NAA50: variants seen among roughly 807,000 people sequenced by gnomAD.
The protein encoded by NAA50 is N-alpha-acetyltransferase 50, NatE catalytic subunit.
A neutral mutation model predicts 20.7 loss-of-function variants in NAA50; 7 were observed. The ratio of observed to expected loss-of-function variants is 0.34; its 90% CI spans 0.19 to 0.63. The LOEUF (loss-of-function observed/expected upper bound fraction) is 0.63. NAA50 is among the 30% of genes least tolerant of loss of function. The pLI, the probability that NAA50 is intolerant of heterozygous loss-of-function variation, is 0.75. For synonymous variants in NAA50, 54 were observed against 70.6 expected, an observed-to-expected ratio of 0.77 and a Z score of 1.18; for missense variants, 111 against 199.1, an observed-to-expected ratio of 0.56 and a Z score of 2.66.
rs1559736356 is a variant in NAA50 at position 113,720,845 on chromosome 3, T to G, written c.*915A>C. The G allele has an allele frequency of 6.6e-6, 1 of 152,626 alleles. No individual in the cohort carries two copies. Among genetic ancestry groups the G allele is most frequent in the East Asian group, 1.9e-4 (1 of 5,186 alleles). The allele number at this position is 152,626 out of a possible 1,614,324, so 9.5% of individuals were successfully genotyped here. ...AGTATGTCCAAGAGAAAACACCTGC[T>G]TCAGGTTTATTTAGGGGTAGTGACC... On this transcript the variant is annotated 3_prime_UTR_variant, in exon 5 of 5. Transcript: ENST00000240922.
At chr3:113,725,941 A>G (rs1708193342) in intron 1 of NAA50, among the ~76,000 whole-genome samples, 1 of 152,236 alleles carries the variant, frequency 6.6e-6, no homozygotes, top group Admixed American at 6.5e-5. Flanking sequence ...GGCAAAAACA[A>G]GAGACTTTTA....
rs144549936 is a variant in NAA50, at chr3:113,733,672, C to T, written c.9-9577G>A. Among the ~76,000 whole-genome samples, 1,427 of 151,456 alleles carry T rather than the reference C, an allele frequency of 9.4e-3. 17 individuals carry two copies. The highest frequency in any genetic ancestry group is 0.033 in the African/African-American group (1,363 of 41,286). Reference sequence around the variant, plus strand: ...TTTAAGACCAGCCTGGCCAACATGGCGAAACCCCATCTCTACTAAAAGTAC... The same window carrying T: ...TTTAAGACCAGCCTGGCCAACATGGTGAAACCCCATCTCTACTAAAAGTAC... On this transcript the variant is annotated intron_variant, in intron 1 of 4. Coordinates refer to ENST00000240922, the MANE Select transcript of NAA50 (RefSeq NM_025146.4).
At chr3:113,723,003 C>T in intron 3 of NAA50, 31 bp from the exon 4 acceptor site, 1 of 1,493,304 alleles carries the variant, frequency 6.7e-7, no homozygotes, top group South Asian at 1.3e-5. Context: ...AAACACGTGA[C>T]TTCATAAATC....
At chr3:113,742,349 ACTC>A (rs1422007384) in intron 1 of NAA50, among the ~76,000 whole-genome samples, 4 of 151,370 alleles carry the variant, frequency 2.6e-5, no homozygotes. Context: ...GCAGCCTTGA[ACTC>A]CTGGGCTCAA....
intron 4 of NAA50, among the ~76,000 whole-genome samples, 173 bp downstream of exon 4, chr3:113,722,730 CTAT>C (rs1708150348): frequency 6.6e-6 from 1 of 152,108 alleles, no homozygotes; most frequent in East Asian, 1.9e-4. Context: ...TCCTAATCTA[CTAT>C]TATTAATAAA....
At chr3:113,721,975 T>C in intron 4 of NAA50, 38 bp from the exon 5 acceptor site, 1 of 1,580,566 alleles carries the variant, frequency 6.3e-7, no homozygotes, top group Non-Finnish European at 8.6e-7. Flanking sequence ...AAATTAAAAT[T>C]AAGGTTTCAT....
In NAA50 at chr3:113,724,031, C is replaced by A; in HGVS notation, c.73G>T (p.Val25Phe). 1 of 1,611,404 alleles carries A rather than the reference C, an allele frequency of 6.2e-7. No homozygotes were observed. Among genetic ancestry groups the A allele is most frequent in the East Asian group, 2.2e-5 (1 of 44,828 alleles). Reference protein sequence around the residue: ...NIKQLKRLNQVIFPVSYNDKF... With the variant: ...NIKQLKRLNQFIFPVSYNDKF... ...TCATTGTAGCTGACTGGAAAGATGA[C>A]CTGATTCAATCTTTTCAACTGTTTA... The change falls in exon 2 of 5, where the codon GTC becomes TTC. Residue 25 changes from valine (V) to phenylalanine (F), a missense_variant. Transcript: ENST00000240922.
intron 1 of NAA50, among the ~76,000 whole-genome samples, chr3:113,744,442 C>G (rs192653060): frequency 1.3e-5 from 2 of 150,034 alleles, no homozygotes; most frequent in Admixed American, 1.3e-4. Flanking sequence ...CCAGCCTGGG[C>G]AACAGAGCCA....
At chr3:113,728,967 T>C (rs1318607298) in intron 1 of NAA50, among the ~76,000 whole-genome samples, 1 of 152,130 alleles carries the variant, frequency 6.6e-6, no homozygotes, top group East Asian at 1.9e-4. Context: ...AGGCTTACTC[T>C]TGATACACTT....
rs141379034 is a variant in NAA50, at chr3:113,720,246, T to G, written c.*1514A>C. On this transcript the variant is annotated 3_prime_UTR_variant, in exon 5 of 5. Coordinates refer to ENST00000240922, the MANE Select transcript of NAA50 (RefSeq NM_025146.4). ...ACATTTTATAAAATAATTTTGTCAT[T>G]TAACATATTTGGAAATGAGACTTTA... 41 of 152,564 alleles carry G rather than the reference T, an allele frequency of 2.7e-4. No individual in the cohort carries two copies. The highest frequency in any genetic ancestry group is 9.9e-4 in the African/African-American group (41 of 41,574). The allele number at this position is 152,564 out of a possible 1,614,324, so 9.5% of individuals were successfully genotyped here.
rs1335102165 is a variant in NAA50, at chr3:113,718,284, C to T, written c.*3476G>A. On this transcript the variant is annotated 3_prime_UTR_variant, in exon 5 of 5. Transcript: ENST00000240922. ...TTGGAAATGGCTCCTCTAGCCTTGTCAAGCTTCAAGATGGTACAGTCCTGG... is the reference window on the plus strand; with the variant it reads ...TTGGAAATGGCTCCTCTAGCCTTGTTAAGCTTCAAGATGGTACAGTCCTGG... 6.6e-6 allele frequency: 1 copy of T among 152,188 alleles called. No individual in the cohort carries two copies. Among genetic ancestry groups the T allele is most frequent in the African/African-American group, 2.4e-5 (1 of 41,430 alleles). 9.4% of individuals were successfully genotyped at this position (152,188 alleles called of 1,614,324 possible).
Position 113,718,336 on chromosome 3 carries a change from G to C in NAA50, c.*3424C>G, listed in dbSNP as rs1354359988. 2 of 151,656 alleles carry C rather than the reference G, an allele frequency of 1.3e-5. No homozygotes were observed. The highest frequency in any genetic ancestry group is 2.9e-5 in the Non-Finnish European group (2 of 68,052). 9.4% of individuals were successfully genotyped at this position (151,656 alleles called of 1,614,324 possible). On this transcript the variant is annotated 3_prime_UTR_variant, in exon 5 of 5. Transcript: ENST00000240922. ...TAACAGCTTGACTGCAACCTTCTGA[G>C]ATCTCAAGACAGAACCACCCAGTTA...
rs2107984074 is a variant in NAA50 at position 113,722,924 on chromosome 3, G to T, written c.314C>A (p.Thr105Asn). ...HVLNICEKDG[T>N]FDNIYLHVQI... is the part of the protein sequence containing the mutation. ...TACTTACAGATAAATGTTGTCAAAA[G>T]TACCATCTTTTTCACAGATGTTTAA... Residue 105 changes from threonine (T) to asparagine (N), a missense_variant, in exon 4 of 5, where the codon ACT becomes AAT. Thr to Asn is a moderately conservative substitution (Grantham distance 65). Coordinates refer to ENST00000240922, the MANE Select transcript of NAA50 (RefSeq NM_025146.4). The T allele has an allele frequency of 6.5e-7, 1 of 1,539,202 alleles. No homozygotes were observed. Among genetic ancestry groups the T allele is most frequent in the Non-Finnish European group, 8.8e-7 (1 of 1,132,542 alleles).
At chr3:113,737,177 GGAGA>G (rs1268757594) in intron 1 of NAA50, among the ~76,000 whole-genome samples, 1 of 152,146 alleles carries the variant, frequency 6.6e-6, no homozygotes, top group African/African-American at 2.4e-5. Context: ...TTAAAAAAAG[GGAGA>G]GAGATCTATT....
rs1298889576 is a variant in NAA50, at chr3:113,718,212, C to CCA, written c.*3546_*3547dup. 6.6e-6 allele frequency: 1 copy of CCA among 152,126 alleles called. No homozygotes were observed. Among genetic ancestry groups the CCA allele is most frequent in the Admixed American group, 6.5e-5 (1 of 15,270 alleles). 9.4% of individuals were successfully genotyped at this position (152,126 alleles called of 1,614,324 possible). On this transcript the variant is annotated 3_prime_UTR_variant, in exon 5 of 5. Coordinates refer to ENST00000240922, the MANE Select transcript of NAA50 (RefSeq NM_025146.4). ...GAGCATCAGGCACTGTGTGTGATAC[C>CCA]CACACAGTGAGGAACAGAAGCCCAA... is the stretch of plus-strand genomic sequence containing the variant.
In NAA50 at chr3:113,718,492, A is replaced by AATT. The variant is rs1211167210; in HGVS notation, c.*3265_*3267dup. On this transcript the variant is annotated 3_prime_UTR_variant, in exon 5 of 5. Coordinates refer to ENST00000240922, the MANE Select transcript of NAA50 (RefSeq NM_025146.4). ...TCTTAAATGAAAAAAGCAAAAATCT[A>AATT]ATTATAACAATTTTGACTAGAAATA... The AATT allele has an allele frequency of 1.3e-5, 2 of 152,240 alleles. No individual in the cohort carries two copies. Among genetic ancestry groups the AATT allele is most frequent in the Admixed American group, 1.3e-4 (2 of 15,288 alleles). The allele number at this position is 152,240 out of a possible 1,614,324, so 9.4% of individuals were successfully genotyped here. A position where few individuals can be genotyped will look rare whatever the true frequency, so the allele number is the denominator to read the frequency against.
rs573346038 is a variant in NAA50 at position 113,742,643 on chromosome 3, G to A, written c.8+3299C>T. Among the ~76,000 whole-genome samples the A allele has an allele frequency of 3.2e-4, 49 of 152,082 alleles. 1 individual carries two copies. In the South Asian group the frequency reaches 8.3e-3, roughly 26 times the overall value. ...ATGCTGTCAGAGGTAACCACTGTTCGGAGTTTTTAAAGTTTTGTTTCTGAC... is the reference window on the plus strand; with the variant it reads ...ATGCTGTCAGAGGTAACCACTGTTCAGAGTTTTTAAAGTTTTGTTTCTGAC... On this transcript the variant is annotated intron_variant, in intron 1 of 4. Transcript: ENST00000240922.
At chr3:113,727,205 TAC>T (rs1433936858) in intron 1 of NAA50, among the ~76,000 whole-genome samples, 1 of 152,224 alleles carries the variant, frequency 6.6e-6, no homozygotes, top group African/African-American at 2.4e-5. Context: ...TTTTTTTATA[TAC>T]AGTTTGTATT....
chr3:113,741,588 C>T lies in NAA50; in HGVS notation c.8+4354G>A, dbSNP rs535158600. ...GAAAAAATTAGGAGTCCCAGTAACA[C>T]TTCCCACTCTACTGATCACATGTGC... On this transcript the variant is annotated intron_variant, in intron 1 of 4. Transcript: ENST00000240922. Among the ~76,000 whole-genome samples the T allele has an allele frequency of 3.9e-5, 6 of 152,360 alleles. No homozygotes were observed. In the South Asian group the frequency reaches 1.2e-3, roughly 32 times the overall value.
Sources: gnomAD v4.1 joint callset for allele counts (sites outside exome capture counted in the v4.1 genomes callset) on GRCh38, gnomAD v4.1.1 for gene constraint, MANE v1.5 for transcripts, NCBI Gene and HGNC (gene_info 2026-07-23, HGNC 2026-07-21) for gene names.